The following DUSP15 variants were observed in gnomAD, a reference collection of about 807,000 sequenced individuals.
DUSP15 encodes dual specificity phosphatase 15, also known as dual specificity protein phosphatase 15.
DUSP15 carries 23 observed loss-of-function variants against 26.3 expected under a neutral mutation model. The ratio of observed to expected loss-of-function variants is 0.87; its 90% CI spans 0.63 to 1.24. The LOEUF is 1.24. DUSP15 is among the 50% of genes most tolerant of loss of function. The pLI is 0.00. For synonymous variants in DUSP15, 143 were observed against 135.5 expected (o/e 1.06, Z -0.39); for missense variants, 364 against 320.6 (o/e 1.14, Z -1.03).
intron 4 of DUSP15, chr20:31,864,499 T>C: frequency 4.1e-6 from 4 of 975,450 alleles, no homozygotes; most frequent in Non-Finnish European, 2.4e-6. Flanking sequence ...TCCTAGATCC[T>C]TGACCTGTGT....
chr20:31,850,530 A>G (rs894617646), intron 7 of DUSP15: 12 of 1,402,352 alleles, frequency 8.6e-6, no homozygotes, highest in African/African-American at 2.9e-5. Context: ...TTTGGGTGGG[A>G]GAGAGAGGTG....
At position 31,861,641 on chromosome 20, in the gene DUSP15, C is replaced by A; in HGVS notation, c.470G>T (p.Ser157Ile). The stretch of plus-strand genomic sequence containing the variant: ...CAACTCCTCCTCGTCGCGGAAGGGG[C>A]TCTCGCCGAAGCGCTCCTCCAGCTG... ...RRQLEERFGE[S>I]PFRDEEELRA... Residue 157 changes from serine to isoleucine, a missense_variant, in exon 7 of 7, where the codon AGC becomes ATC. Coordinates refer to ENST00000339738, the MANE Select transcript of DUSP15 (RefSeq NM_080611.5). The A allele has an allele frequency of 6.7e-7, 1 of 1,487,010 alleles. No homozygotes were observed. The highest frequency in any genetic ancestry group is 8.9e-7 in the Non-Finnish European group (1 of 1,126,592). The allele number at this position is 1,487,010 out of a possible 1,614,324, so 92.1% of individuals were successfully genotyped here. A position where few individuals can be genotyped will look rare whatever the true frequency, so the allele number is the denominator to read the frequency against.
At chr20:31,851,097 C>A (rs73903662) in intron 6 of DUSP15, among the ~76,000 whole-genome samples, 2,804 of 152,262 alleles carry the variant, frequency 0.018, 87 homozygotes, top group African/African-American at 0.063. Flanking sequence ...GAGAAAAGAA[C>A]TTTGAAGTTT....
chr20:31,852,754 TGAGCC>T (rs1360283785), intron 6 of DUSP15, among the ~76,000 whole-genome samples: 2 of 152,152 alleles, frequency 1.3e-5, no homozygotes, highest in East Asian at 3.8e-4. Context: ...GAGGTTGCAG[TGAGCC>T]GAGATCTCGC....
intron 4 of DUSP15, among the ~76,000 whole-genome samples, chr20:31,864,695 G>A (rs148532922): frequency 6.0e-4 from 92 of 152,352 alleles, no homozygotes; most frequent in Non-Finnish European, 9.6e-4. Flanking sequence ...ATCAGCTGGT[G>A]TAGCTGGTCC....
intron 8 of DUSP15, chr20:31,849,428 C>T: frequency 1.9e-6 from 1 of 537,606 alleles, no homozygotes; most frequent in Non-Finnish European, 3.5e-6. Context: ...GCCCATCCCC[C>T]TGGGCCTGCA....
downstream of DUSP15, among the ~76,000 whole-genome samples, chr20:31,857,417 A>G (rs963705450): frequency 1.3e-5 from 2 of 151,688 alleles, no homozygotes; most frequent in East Asian, 1.9e-4. Context: ...TTGACCTCCC[A>G]AAGTGGTAGG....
At chr20:31,850,811 G>T in intron 6 of DUSP15, 2 of 902,584 alleles carry the variant, frequency 2.2e-6, no homozygotes, top group Non-Finnish European at 3.5e-6. Context: ...GGGCCTGGAG[G>T]AGGATGGGTG....
At chr20:31,861,892 C>T (rs946934312) in intron 6 of DUSP15, among the ~76,000 whole-genome samples, 1 of 152,100 alleles carries the variant, frequency 6.6e-6, no homozygotes, top group Non-Finnish European at 1.5e-5. Context: ...CTCCCTCTCC[C>T]TGACCCCTCT....
chr20:31,870,276 G>C lies in DUSP15; in HGVS notation c.21+41C>G. ...TGGTCAGCGCCGGGCCGCGGCGGCC[G>C]GGGCGGGGACCGGGGAGGCTGCGCG... On this transcript the variant is annotated intron_variant, in intron 1 of 6. Coordinates refer to ENST00000339738, the MANE Select transcript of DUSP15 (RefSeq NM_080611.5). The surrounding 1 kb of genome is among the most constrained non-coding windows in gnomAD (Gnocchi z 6.6). The C allele has an allele frequency of 8.2e-7, 1 of 1,226,842 alleles. No individual in the cohort carries two copies. The highest frequency in any genetic ancestry group is 1.0e-6 in the Non-Finnish European group (1 of 984,728). The allele number at this position is 1,226,842 out of a possible 1,614,324, so 76.0% of individuals were successfully genotyped here.
intron 2 of DUSP15, among the ~76,000 whole-genome samples, chr20:31,868,210 C>T (rs796424936): frequency 1.3e-4 from 20 of 152,314 alleles, no homozygotes; most frequent in African/African-American, 4.1e-4. Context: ...GGGCCAGCTT[C>T]GTGGCTCCTG....
chr20:31,867,233 C>T, intron 2 of DUSP15, 80 bp from the exon 3 acceptor site: 1 of 1,259,350 alleles, frequency 7.9e-7, no homozygotes. Context: ...TCACTGCCTG[C>T]CCAGCTCTCC....
chr20:31,861,157 T>C lies in DUSP15; in HGVS notation c.*246A>G. On this transcript the variant is annotated 3_prime_UTR_variant, in exon 7 of 7. Transcript: ENST00000339738. ...CCTCCCCTCCCGCCGCCTTTAAGGG[T>C]GGGCCCCCTCCCCCAGCCCAAGGAC... The C allele has an allele frequency of 7.6e-7, 1 of 1,315,094 alleles. No homozygotes were observed. Among genetic ancestry groups the C allele is most frequent in the Non-Finnish European group, 9.6e-7 (1 of 1,037,504 alleles). 81.5% of individuals were successfully genotyped at this position (1,315,094 alleles called of 1,614,324 possible). A position where few individuals can be genotyped will look rare whatever the true frequency, so the allele number is the denominator to read the frequency against.
chr20:31,850,657 G>A, exon 7 of DUSP15: 1 of 1,611,830 alleles, frequency 6.2e-7, no homozygotes, highest in South Asian at 1.1e-5. Flanking sequence ...AGAGGTTTTT[G>A]AGGTCCTATG....
chr20:31,854,977 A>AT (rs1374327917), intron 6 of DUSP15, among the ~76,000 whole-genome samples: 3 of 152,114 alleles, frequency 2.0e-5, no homozygotes, highest in African/African-American at 7.2e-5. Flanking sequence ...TATGATGTTG[A>AT]TTTATTAACA....
chr20:31,864,319 G>C, intron 4 of DUSP15: 1 of 1,091,900 alleles, frequency 9.2e-7, no homozygotes, highest in Non-Finnish European at 1.1e-6. Flanking sequence ...CCACTCCTCT[G>C]GGGTCTGCAA....
At chr20:31,868,168 T>C (rs1454618569) in intron 2 of DUSP15, among the ~76,000 whole-genome samples, 2 of 152,234 alleles carry the variant, frequency 1.3e-5, no homozygotes, top group African/African-American at 2.4e-5. Flanking sequence ...GTGCTAACCA[T>C]GTGTATACTT....
Position 31,862,861 on chromosome 20 carries a change from C to A in DUSP15, c.264-119G>T, listed in dbSNP as rs2062691104. On this transcript the variant is annotated intron_variant, in intron 5 of 6. Transcript: ENST00000339738. ...CCTCCTGAGCTCCAACCATAAGGGA[C>A]CTGTCAGGACTTGCCATCCCACCTC... 8 of 1,057,300 alleles carry A rather than the reference C, an allele frequency of 7.6e-6. No homozygotes were observed. The South Asian group carries it at 1.4e-4, about 18-fold the overall frequency. The allele number at this position is 1,057,300 out of a possible 1,614,324, so 65.5% of individuals were successfully genotyped here.
At chr20:31,855,196 T>G (rs572304033) in intron 6 of DUSP15, among the ~76,000 whole-genome samples, 1 of 152,272 alleles carries the variant, frequency 6.6e-6, no homozygotes, top group East Asian at 1.9e-4. Flanking sequence ...AAAGGACACG[T>G]GTTTACATAT....
Sources: allele counts gnomAD v4.1 joint callset (sites outside exome capture counted in the v4.1 genomes callset), GRCh38; gene constraint gnomAD v4.1.1; non-coding constraint Gnocchi (gnomAD v3.1); transcripts MANE v1.5; gene names NCBI Gene and HGNC (gene_info 2026-07-23, HGNC 2026-07-21).